SEMA3F: variants seen among roughly 807,000 people sequenced by gnomAD.
The protein encoded by SEMA3F is semaphorin-3F.
In SEMA3F, 30 loss-of-function variants were observed where a neutral mutation model predicts 98.5. The ratio of observed to expected loss-of-function variants is 0.30; its 90% CI spans 0.23 to 0.41. The LOEUF (loss-of-function observed/expected upper bound fraction) is 0.41, where lower values mean the gene tolerates loss of function less well. SEMA3F is among the 10% of genes least tolerant of loss of function. The pLI, the probability that SEMA3F is intolerant of heterozygous loss-of-function variation, is 1.00. For missense variants in SEMA3F, 866 were observed against 1,119.3 expected (o/e 0.77, Z 3.23); for synonymous variants, 380 against 444.8 (o/e 0.85, Z 1.83).
At chr3:50,177,259 C>A (rs140426101) in intron 7 of SEMA3F, among the ~76,000 whole-genome samples, 188 of 152,294 alleles carry the variant, frequency 1.2e-3, no homozygotes, top group Middle Eastern at 3.4e-3. Flanking sequence ...GCTGGGAGAG[C>A]CCTGTAGCGA....
chr3:50,174,236 G>C lies in SEMA3F; in HGVS notation c.342G>C (p.Glu114Asp). 1 of 1,613,798 alleles carries C rather than the reference G, an allele frequency of 6.2e-7. No individual in the cohort carries two copies. Among genetic ancestry groups the C allele is most frequent in the South Asian group, 1.1e-5 (1 of 91,086 alleles). Residue 114 changes from glutamate (E) to aspartate (D), a missense_variant, in exon 5 of 19, where the codon GAG becomes GAC. This residue lies in a region of SEMA3F where 247 missense variants were observed against 276.0 expected (regional missense o/e 0.89). Transcript: ENST00000002829. ...CVLSGKDVNG[E>D]CGNFVRLIQP... is the part of the protein sequence containing the mutation. ...AGCCTTCCCTGTGGCCCCAGGGCGA[G>C]TGTGGGAACTTCGTCAGGCTCATCC...
At chr3:50,183,298 G>T (rs376292896) in intron 11 of SEMA3F, 43 bp downstream of exon 11, 2 of 1,609,000 alleles carry the variant, frequency 1.2e-6, no homozygotes, top group Non-Finnish European at 1.7e-6. Flanking sequence ...GAGTGGCCCC[G>T]TTGGGGGATT....
chr3:50,184,552 C>A (rs761468005), intron 12 of SEMA3F, 40 bp from the exon 13 acceptor site: 1 of 1,519,778 alleles, frequency 6.6e-7, no homozygotes, highest in South Asian at 1.1e-5. Context: ...GCCTGCCCTG[C>A]CCAGGCAGCC....
chr3:50,174,185 G>A (rs767296528), intron 4 of SEMA3F, 46 bp from the exon 5 acceptor site: 2 of 1,613,802 alleles, frequency 1.2e-6, no homozygotes, highest in Non-Finnish European at 8.5e-7. Flanking sequence ...CCAGTGAGGG[G>A]GCAGGCCTGG....
intron 3 of SEMA3F, 30 bp from the exon 4 acceptor site, chr3:50,174,022 G>A (rs1207250238): frequency 8.1e-6 from 13 of 1,614,036 alleles, no homozygotes; most frequent in South Asian, 6.6e-5. Flanking sequence ...ATGTCCAGAA[G>A]GCTGCACCTT....
rs755809772 is a variant in SEMA3F at position 50,183,273 on chromosome 3, G to T, written c.1088+18G>T. 1.2e-6 allele frequency: 2 copies of T among 1,612,916 alleles called. No homozygotes were observed. The highest frequency in any genetic ancestry group is 2.7e-5 in the African/African-American group (2 of 74,920). On this transcript the variant is annotated intron_variant, in intron 11 of 18. Coordinates refer to ENST00000002829, the MANE Select transcript of SEMA3F (RefSeq NM_004186.5). ...TCCTCTGGGTGAGGCTGGGGTCAGG[G>T]CCAGCAGTGGCAGGGAGTGGCCCCG... is the stretch of plus-strand genomic sequence containing the variant.
intron 2 of SEMA3F, among the ~76,000 whole-genome samples, chr3:50,168,166 A>G (rs1417472310): frequency 1.3e-5 from 2 of 152,044 alleles, no homozygotes; most frequent in African/African-American, 2.4e-5. Context: ...TGGGTCTCCA[A>G]TCTGGAAGGC....
intron 2 of SEMA3F, among the ~76,000 whole-genome samples, chr3:50,170,298 A>G (rs528614847): frequency 9.9e-5 from 15 of 151,864 alleles, no homozygotes; most frequent in African/African-American, 3.1e-4. Flanking sequence ...TGGGTTGGGG[A>G]TGGGGTAAGG....
chr3:50,185,538 G>T lies in SEMA3F; in HGVS notation c.1545+7G>T. Reference sequence around the variant, plus strand: ...GGAGGTGGAGGTCTTCAAGGTGGGTGTGACACCACCCAGTCCTGACCTCCC... The same window carrying T: ...GGAGGTGGAGGTCTTCAAGGTGGGTTTGACACCACCCAGTCCTGACCTCCC... On this transcript the variant is annotated splice_region_variant and intron_variant, in intron 14 of 18. Transcript: ENST00000002829. 6.2e-7 allele frequency: 1 copy of T among 1,613,590 alleles called. No individual in the cohort carries two copies. Among genetic ancestry groups the T allele is most frequent in the Non-Finnish European group, 8.5e-7 (1 of 1,179,584 alleles).
intron 2 of SEMA3F, among the ~76,000 whole-genome samples, chr3:50,168,137 G>A (rs1157431860): frequency 1.3e-5 from 2 of 152,104 alleles, no homozygotes; most frequent in African/African-American, 4.8e-5. Context: ...TGGTGTGGAT[G>A]GCTCCTAGGG....
At chr3:50,183,093 C>A in intron 10 of SEMA3F, 75 bp downstream of exon 10, 1 of 1,567,772 alleles carries the variant, frequency 6.4e-7, no homozygotes, top group Non-Finnish European at 8.8e-7. Context: ...GATCAGGGTG[C>A]CTTTGGTGGG....
At position 50,155,497 on chromosome 3, in the gene SEMA3F, G is replaced by T. The variant is rs1468956740; in HGVS notation, c.-116G>T. On this transcript the variant is annotated 5_prime_UTR_variant, in exon 1 of 19. Transcript: ENST00000002829. This position sits in a 1 kb window ranked among gnomAD's most constrained non-coding sequence, Gnocchi z 4.9. The stretch of plus-strand genomic sequence containing the variant: ...CCCCGGGGGGCCGCTAGCGCGGACC[G>T]GCCCAACGGGAGCCGCTCCGTGCCG... 1 of 324,032 alleles carries T rather than the reference G, an allele frequency of 3.1e-6. No homozygotes were observed. The highest frequency in any genetic ancestry group is 2.2e-5 in the African/African-American group (1 of 45,834). 20.1% of individuals were successfully genotyped at this position (324,032 alleles called of 1,614,324 possible).
chr3:50,172,095 G>C (rs2109083200), intron 2 of SEMA3F, among the ~76,000 whole-genome samples: 1 of 152,288 alleles, frequency 6.6e-6, no homozygotes, highest in South Asian at 2.1e-4. Context: ...TCCCCCTCCA[G>C]GTGCCTTGGG....
intron 12 of SEMA3F, 52 bp from the exon 13 acceptor site, chr3:50,184,540 C>T (rs1244362342): frequency 4.2e-6 from 6 of 1,425,206 alleles, no homozygotes; most frequent in Non-Finnish European, 5.9e-6. Context: ...CTAATGGCTC[C>T]AGCCTGCCCT....
intron 2 of SEMA3F, 30 bp from the exon 3 acceptor site, chr3:50,173,763 C>G: frequency 6.2e-7 from 1 of 1,608,730 alleles, no homozygotes; most frequent in South Asian, 1.1e-5. Context: ...TCCTGAAGGT[C>G]CTAATTGGTG....
chr3:50,186,178 A>ACTGCCCTGGGGAAAAAGGGCC, intron 16 of SEMA3F, 103 bp from the exon 17 acceptor site: 2 of 1,471,250 alleles, frequency 1.4e-6, no homozygotes, highest in Non-Finnish European at 1.9e-6. Flanking sequence ...GTAAGACATC[A>ACTGCCCTGGGGAAAAAGGGCC]CTGCCCTGGG....
chr3:50,186,521 G>T, intron 17 of SEMA3F, 92 bp from the exon 18 acceptor site: 1 of 1,493,940 alleles, frequency 6.7e-7, no homozygotes. Context: ...GCACTACATT[G>T]GTGAGTGGGT....
chr3:50,163,092 G>A (rs2109062320), intron 2 of SEMA3F, among the ~76,000 whole-genome samples: 1 of 152,334 alleles, frequency 6.6e-6, no homozygotes, highest in East Asian at 1.9e-4. Context: ...TCCCAGGACT[G>A]AGAGTGGAGG....
intron 2 of SEMA3F, among the ~76,000 whole-genome samples, chr3:50,163,885 A>G (rs1698309066): frequency 6.6e-6 from 1 of 152,196 alleles, no homozygotes; most frequent in Non-Finnish European, 1.5e-5. Context: ...AGGAAGACCC[A>G]AAGCATGAAC....
Sources: allele counts gnomAD v4.1 joint callset (sites outside exome capture counted in the v4.1 genomes callset), GRCh38; gene constraint gnomAD v4.1.1; regional missense constraint gnomAD v4.1.1; non-coding constraint Gnocchi (gnomAD v3.1); transcripts MANE v1.5; gene names NCBI Gene and HGNC (gene_info 2026-07-23, HGNC 2026-07-21).